The following KCNT2 variants were observed in gnomAD, a reference collection of about 807,000 sequenced individuals.
The protein encoded by KCNT2 is potassium sodium-activated channel subfamily T member 2.
A neutral mutation model predicts 153.8 loss-of-function variants in KCNT2; 67 were observed. The observed-to-expected ratio is 0.44, with a 90% CI of 0.36 to 0.53. The LOEUF (loss-of-function observed/expected upper bound fraction) is 0.53, where lower values mean the gene tolerates loss of function less well. Among genes scored for constraint, KCNT2 ranks in the 20% least tolerant of loss-of-function variants. KCNT2 has a pLI of 0.00. For missense variants in KCNT2, 975 were observed against 1,354.8 expected, an observed-to-expected ratio of 0.72 and a Z score of 4.40; for synonymous variants, 500 against 458.8, an observed-to-expected ratio of 1.09 and a Z score of -1.15.
At chr1:196,308,077 C>T (rs957301593) in intron 21 of KCNT2, among the ~76,000 whole-genome samples, 3 of 152,036 alleles carry the variant, frequency 2.0e-5, no homozygotes, top group Non-Finnish European at 4.4e-5. Context: ...TAAACTCATG[C>T]AGACAACAAA....
intron 5 of KCNT2, among the ~76,000 whole-genome samples, chr1:196,469,998 TG>T (rs1458391801): frequency 2.6e-5 from 4 of 152,208 alleles, no homozygotes; most frequent in Non-Finnish European, 5.9e-5. Context: ...ACTGCACTGA[TG>T]GAATATACTT....
chr1:196,325,833 T>C (rs560448587), intron 19 of KCNT2, among the ~76,000 whole-genome samples: 1 of 152,150 alleles, frequency 6.6e-6, no homozygotes, highest in Admixed American at 6.6e-5. Context: ...AGTATTTTGA[T>C]GTTGGTAAAG....
rs1250438144 is a variant in KCNT2, at chr1:196,532,355, G to T, written c.96-40014C>A. On this transcript the variant is annotated intron_variant, in intron 1 of 27. Coordinates refer to ENST00000294725, the MANE Select transcript of KCNT2 (RefSeq NM_198503.5). ...ATTTGGACCTGATTTTGAGTTTCCA[G>T]AACTAACATCAATAGAAGCATTCAA... Among the ~76,000 whole-genome samples the T allele has an allele frequency of 2.6e-5, 4 of 151,938 alleles. No individual in the cohort carries two copies. The East Asian group carries it at 7.7e-4, about 29-fold the overall frequency.
intron 24 of KCNT2, among the ~76,000 whole-genome samples, chr1:196,281,920 T>G (rs909503377): frequency 6.6e-6 from 1 of 151,880 alleles, no homozygotes; most frequent in Admixed American, 6.6e-5. Context: ...CAGCTAATTT[T>G]TTGTATTTTT....
At chr1:196,485,568 A>T (rs1572611041) in intron 3 of KCNT2, among the ~76,000 whole-genome samples, 1 of 151,982 alleles carries the variant, frequency 6.6e-6, no homozygotes, top group East Asian at 1.9e-4. Context: ...GAATTTAAAT[A>T]AGAGTTTTAA....
intron 1 of KCNT2, among the ~76,000 whole-genome samples, chr1:196,538,471 G>A (rs948013819): frequency 6.6e-6 from 1 of 152,216 alleles, no homozygotes; most frequent in African/African-American, 2.4e-5. Context: ...CTCTCTGTGT[G>A]TGAAAGCCAG....
intron 14 of KCNT2, among the ~76,000 whole-genome samples, chr1:196,347,100 G>A (rs1049657446): frequency 2.6e-5 from 4 of 152,076 alleles, no homozygotes; most frequent in Admixed American, 6.6e-5. Context: ...GTTCAGGAAC[G>A]TCAGTTCTGA....
At chr1:196,596,047 C>A (rs1664021140) in intron 1 of KCNT2, among the ~76,000 whole-genome samples, 1 of 131,284 alleles carries the variant, frequency 7.6e-6, no homozygotes. Flanking sequence ...GAGTTGTATT[C>A]CATGATGTGT....
chr1:196,591,183 T>G lies in KCNT2; in HGVS notation c.95+17032A>C, dbSNP rs1421077140. Among the ~76,000 whole-genome samples, 9 of 152,248 alleles carry G rather than the reference T, an allele frequency of 5.9e-5. No individual in the cohort carries two copies. The South Asian group carries it at 1.2e-3, about 21-fold the overall frequency. The stretch of plus-strand genomic sequence containing the variant: ...CACTGCAATGAGTGAGTTCTCACTC[T>G]GAGTTCACAAGAGAGTTGGTTGTTT... On this transcript the variant is annotated intron_variant, in intron 1 of 27. Coordinates refer to ENST00000294725, the MANE Select transcript of KCNT2 (RefSeq NM_198503.5).
In KCNT2 at chr1:196,228,096, G is replaced by A; in HGVS notation, c.*128C>T. 1 of 610,840 alleles carries A rather than the reference G, an allele frequency of 1.6e-6. No homozygotes were observed. Among genetic ancestry groups the A allele is most frequent in the Non-Finnish European group, 2.9e-6 (1 of 341,916 alleles). The allele number at this position is 610,840 out of a possible 1,614,324, so 37.8% of individuals were successfully genotyped here. On this transcript the variant is annotated 3_prime_UTR_variant, in exon 28 of 28. Coordinates refer to ENST00000294725, the MANE Select transcript of KCNT2 (RefSeq NM_198503.5). ...GTTTCAAAATGATCTATACTTCTAA[G>A]AGAAGAGATTACGTTTTTAAATATG... is the stretch of plus-strand genomic sequence containing the variant.
intron 14 of KCNT2, among the ~76,000 whole-genome samples, chr1:196,364,378 C>A (rs1358749434): frequency 2.0e-5 from 3 of 152,140 alleles, no homozygotes; most frequent in East Asian, 3.8e-4. Context: ...TAACACCCAT[C>A]CAAAAACAAT....
rs1572256593 is a variant in KCNT2, at chr1:196,386,152, T to C, written c.1294+12411A>G. The stretch of plus-strand genomic sequence containing the variant: ...ATAGCCAGCACCAACTTGGGAGCCA[T>C]GTAAGTAAACCACTTTGAAAACAGA... On this transcript the variant is annotated intron_variant, in intron 13 of 27. Coordinates refer to ENST00000294725, the MANE Select transcript of KCNT2 (RefSeq NM_198503.5). Among the ~76,000 whole-genome samples, 5 of 152,228 alleles carry C rather than the reference T, an allele frequency of 3.3e-5. No individual in the cohort carries two copies. In the East Asian group the frequency reaches 9.7e-4, roughly 29 times the overall value.
intron 27 of KCNT2, among the ~76,000 whole-genome samples, chr1:196,229,450 C>T (rs1653760490): frequency 6.6e-6 from 1 of 152,030 alleles, no homozygotes; most frequent in South Asian, 2.1e-4. Context: ...TTTCCCTCTC[C>T]TCCACCATCT....
chr1:196,576,201 A>G (rs1179337366), intron 1 of KCNT2, among the ~76,000 whole-genome samples: 2 of 151,934 alleles, frequency 1.3e-5, no homozygotes, highest in Non-Finnish European at 2.9e-5. Context: ...TCCCAAGATT[A>G]ATTAACTCAA....
intron 17 of KCNT2, among the ~76,000 whole-genome samples, chr1:196,331,644 T>G (rs1664474722): frequency 6.6e-6 from 1 of 152,070 alleles, no homozygotes; most frequent in African/African-American, 2.4e-5. Context: ...AGTTAGTAGT[T>G]GCAACAGGGG....
intron 22 of KCNT2, among the ~76,000 whole-genome samples, chr1:196,288,253 A>G (rs960781340): frequency 9.2e-5 from 14 of 152,128 alleles, no homozygotes; most frequent in African/African-American, 3.1e-4. Context: ...GACTAGAGCA[A>G]TAAGTTTGGA....
intron 26 of KCNT2, among the ~76,000 whole-genome samples, chr1:196,239,668 T>C (rs773566977): frequency 5.9e-5 from 9 of 152,040 alleles, no homozygotes; most frequent in Non-Finnish European, 1.2e-4. Context: ...GATAATAGAA[T>C]TTTGTAAGAC....
intron 21 of KCNT2, among the ~76,000 whole-genome samples, chr1:196,313,197 G>A (rs1662362334): frequency 6.6e-6 from 1 of 151,686 alleles, no homozygotes; most frequent in Non-Finnish European, 1.5e-5. Flanking sequence ...ATCGGTGGAT[G>A]ACAGGTTCCA....
intron 24 of KCNT2, 99 bp downstream of exon 24, chr1:196,282,174 A>G (rs1659174186): frequency 1.8e-6 from 1 of 551,204 alleles, no homozygotes; most frequent in Admixed American, 3.3e-5. Flanking sequence ...ACAATACAAA[A>G]AATAACACAT....
Sources: gnomAD v4.1 joint callset for allele counts (sites outside exome capture counted in the v4.1 genomes callset) on GRCh38, gnomAD v4.1.1 for gene constraint, MANE v1.5 for transcripts, NCBI Gene and HGNC (gene_info 2026-07-23, HGNC 2026-07-21) for gene names.